The following SCRN1 variants were observed in gnomAD, a reference collection of about 807,000 sequenced individuals.
SCRN1 encodes the protein secernin 1, also known as secernin-1.
In SCRN1, 19 loss-of-function variants were observed where a neutral mutation model predicts 43.3. The observed-to-expected ratio is 0.44, with a 90% CI of 0.31 to 0.64. The LOEUF (loss-of-function observed/expected upper bound fraction) is 0.64. SCRN1 is among the 30% of genes least tolerant of loss of function. The pLI, the probability that SCRN1 is intolerant of heterozygous loss-of-function variation, is 0.09. For missense variants in SCRN1, 447 were observed against 524.1 expected, an observed-to-expected ratio of 0.85 and a Z score of 1.44; for synonymous variants, 183 against 188.9, an observed-to-expected ratio of 0.97 and a Z score of 0.26.
At chr7:29,944,208 C>T (rs757552036) in intron 3 of SCRN1, 29 bp from the exon 4 acceptor site, 43 of 1,602,022 alleles carry the variant, frequency 2.7e-5, no homozygotes, top group Non-Finnish European at 3.6e-5. Flanking sequence ...AACCATACTT[C>T]AGTCATTTCA....
chr7:29,931,566 T>C (rs1240566638), intron 6 of SCRN1, among the ~76,000 whole-genome samples: 1 of 152,256 alleles, frequency 6.6e-6, no homozygotes, highest in Admixed American at 6.5e-5. Flanking sequence ...AGTTTTTCCA[T>C]ACACCTTATA....
intron 1 of SCRN1, among the ~76,000 whole-genome samples, chr7:29,972,379 T>G (rs1583692542): frequency 6.6e-6 from 1 of 152,238 alleles, no homozygotes; most frequent in Non-Finnish European, 1.5e-5. Flanking sequence ...ATCCACCAAT[T>G]TTGCATTTAT....
intron 6 of SCRN1, among the ~76,000 whole-genome samples, chr7:29,934,147 C>T (rs994342017): frequency 5.3e-5 from 8 of 152,156 alleles, no homozygotes; most frequent in African/African-American, 1.2e-4. Context: ...AAGATAACAA[C>T]GAATGTCTTC....
At chr7:29,946,193 G>T (rs1367046999) in intron 3 of SCRN1, among the ~76,000 whole-genome samples, 2 of 152,186 alleles carry the variant, frequency 1.3e-5, no homozygotes, top group African/African-American at 4.8e-5. Context: ...AGGGATAAAA[G>T]AACAAACCCA....
At chr7:29,948,108 GAA>G (rs1253188121) in intron 3 of SCRN1, among the ~76,000 whole-genome samples, 1 of 152,066 alleles carries the variant, frequency 6.6e-6, no homozygotes, top group Non-Finnish European at 1.5e-5. Context: ...AAGAGCGTGT[GAA>G]ACTTTTTGAC....
At chr7:29,984,793 C>T (rs1330595038) in intron 1 of SCRN1, among the ~76,000 whole-genome samples, 1 of 144,440 alleles carries the variant, frequency 6.9e-6, no homozygotes, top group Admixed American at 6.9e-5. Flanking sequence ...TGGTGGCAGA[C>T]GCCTGTAATC....
At chr7:29,938,964 C>T (rs1031867796) in intron 5 of SCRN1, among the ~76,000 whole-genome samples, 1 of 152,108 alleles carries the variant, frequency 6.6e-6, no homozygotes, top group Non-Finnish European at 1.5e-5. Flanking sequence ...TTCCTCTATC[C>T]TCTGTATTTT....
chr7:29,944,376 C>A (rs1787659051), intron 3 of SCRN1, among the ~76,000 whole-genome samples, 197 bp from the exon 4 acceptor site: 1 of 152,142 alleles, frequency 6.6e-6, no homozygotes, highest in South Asian at 2.1e-4. Flanking sequence ...CTTAAAAAAC[C>A]ATATGGGGTG....
At chr7:29,988,604 C>T (rs1450484585) in intron 1 of SCRN1, 1 of 152,424 alleles carries the variant, frequency 6.6e-6, no homozygotes, top group Non-Finnish European at 1.5e-5. Flanking sequence ...TCCTCCGCAA[C>T]TGATGCATCT....
rs1329546050 is a variant in SCRN1 at position 29,924,088 on chromosome 7, T to C, written c.1114A>G (p.Met372Val). 6.2e-7 allele frequency: 1 copy of C among 1,613,652 alleles called. No homozygotes were observed. The highest frequency in any genetic ancestry group is 1.3e-5 in the African/African-American group (1 of 74,894). Reference sequence around the variant, plus strand: ...AGGCCTTGCTTCTCCAGCTCCAGCATGGTGCTCCTCAGCTTGCGACCTTGC... The same window carrying C: ...AGGCCTTGCTTCTCCAGCTCCAGCACGGTGCTCCTCAGCTTGCGACCTTGC... ...QEQGRKLRST[M>V]LELEKQGLEA... The change falls in exon 8 of 8, where the codon ATG becomes GTG. Residue 372 changes from methionine (M) to valine (V), a missense_variant. Coordinates refer to ENST00000242059, the MANE Select transcript of SCRN1 (RefSeq NM_014766.5).
chr7:29,979,638 G>A (rs528531936), intron 1 of SCRN1, among the ~76,000 whole-genome samples: 18 of 152,272 alleles, frequency 1.2e-4, no homozygotes, highest in African/African-American at 4.3e-4. Flanking sequence ...CCACCCCGCT[G>A]TGCATTCAAA....
At chr7:29,973,540 T>C (rs1237932749) in intron 1 of SCRN1, among the ~76,000 whole-genome samples, 1 of 152,154 alleles carries the variant, frequency 6.6e-6, no homozygotes, top group East Asian at 1.9e-4. Flanking sequence ...ACAGGGAAAG[T>C]AGGGTAGAGG....
chr7:29,933,163 A>G (rs1484369993), intron 6 of SCRN1, among the ~76,000 whole-genome samples: 2 of 152,128 alleles, frequency 1.3e-5, no homozygotes, highest in African/African-American at 4.8e-5. Flanking sequence ...TACAGGCGTG[A>G]GCGGCCGCAC....
chr7:29,966,346 G>A (rs1788498360), intron 2 of SCRN1, among the ~76,000 whole-genome samples: 2 of 152,196 alleles, frequency 1.3e-5, no homozygotes, highest in South Asian at 4.1e-4. Context: ...TTCGTGGAAG[G>A]AGTGCCCTTC....
intron 2 of SCRN1, among the ~76,000 whole-genome samples, chr7:29,966,185 G>GAGAGAT (rs1554360389): frequency 5.3e-5 from 8 of 150,470 alleles, no homozygotes; most frequent in Admixed American, 1.4e-4. Context: ...GAGAGAGAGA[G>GAGAGAT]AGAGAGAGAG....
chr7:29,989,136 G>C (rs1267643772), intron 1 of SCRN1: 1 of 152,158 alleles, frequency 6.6e-6, no homozygotes, highest in African/African-American at 2.4e-5. Flanking sequence ...TGCGGCGGCC[G>C]CGGGCGAGTT....
intron 1 of SCRN1, among the ~76,000 whole-genome samples, chr7:29,985,765 A>G (rs1789130345): frequency 6.6e-6 from 1 of 152,180 alleles, no homozygotes. Flanking sequence ...GTCCCAGCCC[A>G]CCACATACTC....
intron 3 of SCRN1, among the ~76,000 whole-genome samples, chr7:29,953,051 G>A (rs1788003807): frequency 1.3e-5 from 2 of 152,176 alleles, no homozygotes. Context: ...ACCTCCCTCA[G>A]CCTTGCAGCT....
At position 29,965,606 on chromosome 7, in the gene SCRN1, G is replaced by T. The variant is rs1018346218; in HGVS notation, c.159+3303C>A. Among the ~76,000 whole-genome samples, 1 of 152,180 alleles carries T rather than the reference G, an allele frequency of 6.6e-6. No individual in the cohort carries two copies. The highest frequency in any genetic ancestry group is 2.4e-5 in the African/African-American group (1 of 41,432). On this transcript the variant is annotated intron_variant, in intron 2 of 7. Coordinates refer to ENST00000242059, the MANE Select transcript of SCRN1 (RefSeq NM_014766.5). This position sits in a 1 kb window ranked among gnomAD's most constrained non-coding sequence, Gnocchi z 4.2. ...ATGAATTTGCTTTCTTACCCGTGAGGTTATTTCACCTGCAGAATATGCAAG... is the reference window on the plus strand; with the variant it reads ...ATGAATTTGCTTTCTTACCCGTGAGTTTATTTCACCTGCAGAATATGCAAG...
Sources: gnomAD v4.1 joint callset for allele counts (sites outside exome capture counted in the v4.1 genomes callset) on GRCh38, gnomAD v4.1.1 for gene constraint, Gnocchi (gnomAD v3.1) non-coding constraint, MANE v1.5 for transcripts, NCBI Gene and HGNC (gene_info 2026-07-23, HGNC 2026-07-21) for gene names.